NCOR2: variants seen among roughly 807,000 people sequenced by gnomAD.
NCOR2 encodes CTG repeat protein 26.
A neutral mutation model predicts 262.9 loss-of-function variants in NCOR2; 81 were observed. That is an observed-to-expected ratio of 0.31 (90% confidence interval 0.26 to 0.37). The LOEUF (loss-of-function observed/expected upper bound fraction) is 0.37, where lower values mean the gene tolerates loss of function less well. Ranked by LOEUF, NCOR2 falls within the 10% of genes least tolerant of loss-of-function variation. NCOR2 has a pLI of 1.00. For synonymous variants in NCOR2, 1,659 were observed against 1,559.3 expected (o/e 1.06, Z -1.51); for missense variants, 3,385 against 3,621.4 (o/e 0.93, Z 1.68).
At chr12:124,376,672 C>T (rs965868009) in intron 18 of NCOR2, among the ~76,000 whole-genome samples, 2 of 152,162 alleles carry the variant, frequency 1.3e-5, no homozygotes, top group Non-Finnish European at 2.9e-5. Flanking sequence ...CAGCGGGAAG[C>T]GGGGATTCGG....
At chr12:124,351,539 ACCACTG>A (rs750830908) in intron 27 of NCOR2, among the ~76,000 whole-genome samples, 9 of 152,102 alleles carry the variant, frequency 5.9e-5, no homozygotes, top group Non-Finnish European at 1.3e-4. Context: ...CCAATTGAGA[ACCACTG>A]CCATATAGGG....
chr12:124,529,550 C>T (rs973728000), intron 1 of NCOR2, among the ~76,000 whole-genome samples: 3 of 152,214 alleles, frequency 2.0e-5, no homozygotes, highest in Admixed American at 6.5e-5. Flanking sequence ...TGGTGCAATC[C>T]GGCACTGCAC....
At chr12:124,540,100 C>T (rs567091550), upstream of NCOR2, among the ~76,000 whole-genome samples, 1 of 150,894 alleles carries the variant, frequency 6.6e-6, no homozygotes, top group African/African-American at 2.4e-5. Flanking sequence ...GTCTTAGGGG[C>T]CAAGGTCACA....
At chr12:124,325,530 T>C in exon 47 of NCOR2, 1 of 1,347,460 alleles carries the variant, frequency 7.4e-7, no homozygotes, top group Non-Finnish European at 9.6e-7. Context: ...GGGGAAGCCA[T>C]GACACCCGCC....
At chr12:124,478,421 A>G (rs2047223338) in intron 3 of NCOR2, among the ~76,000 whole-genome samples, 1 of 152,218 alleles carries the variant, frequency 6.6e-6, no homozygotes, top group African/African-American at 2.4e-5. Flanking sequence ...GAAGTCTCTG[A>G]TGCCACAAAA....
chr12:124,343,925 G>A (rs2036682859), intron 32 of NCOR2, among the ~76,000 whole-genome samples: 1 of 152,176 alleles, frequency 6.6e-6, no homozygotes, highest in South Asian at 2.1e-4. Flanking sequence ...ACCATGCCTG[G>A]CCGGAAGACA....
chr12:124,403,059 C>T (rs1410423204), intron 13 of NCOR2, among the ~76,000 whole-genome samples: 1 of 152,150 alleles, frequency 6.6e-6, no homozygotes, highest in Non-Finnish European at 1.5e-5. Context: ...TGGTGAGCCT[C>T]GGCAGGGGTG....
intron 13 of NCOR2, among the ~76,000 whole-genome samples, chr12:124,405,092 C>G (rs1450944147): frequency 6.6e-6 from 1 of 152,154 alleles, no homozygotes; most frequent in Non-Finnish European, 1.5e-5. Context: ...CCAGCACGCC[C>G]CATCTACCTA....
intron 28 of NCOR2, 191 bp from the exon 31 acceptor site, chr12:124,348,505 C>A (rs1593158902): frequency 1.4e-6 from 1 of 701,640 alleles, no homozygotes; most frequent in African/African-American, 1.8e-5. Context: ...CCAGCAGGAC[C>A]CAGGAGCTTT....
At chr12:124,502,098 G>T (rs1357455473) in intron 1 of NCOR2, among the ~76,000 whole-genome samples, 1 of 152,230 alleles carries the variant, frequency 6.6e-6, no homozygotes, top group Admixed American at 6.5e-5. Context: ...TCCTGGCGCA[G>T]AACGGATGCT....
chr12:124,335,279 G>A, exon 40 of NCOR2: 1 of 1,595,776 alleles, frequency 6.3e-7, no homozygotes, highest in African/African-American at 1.3e-5. Context: ...GCTTCACGGG[G>A]CCTGCAGGCA....
intron 31 of NCOR2, among the ~76,000 whole-genome samples, chr12:124,346,356 T>A (rs1232686074): frequency 6.6e-6 from 1 of 151,746 alleles, no homozygotes; most frequent in Non-Finnish European, 1.5e-5. Context: ...ACAATGTGAG[T>A]TCAGTAGAAT....
chr12:124,477,420 C>A (rs1461893118), intron 3 of NCOR2, among the ~76,000 whole-genome samples: 1 of 152,180 alleles, frequency 6.6e-6, no homozygotes, highest in Admixed American at 6.5e-5. Flanking sequence ...AAACCTTTTT[C>A]TATTATAAAT....
intron 16 of NCOR2, among the ~76,000 whole-genome samples, chr12:124,395,259 CG>C (rs895337119): frequency 2.6e-5 from 4 of 152,236 alleles, no homozygotes; most frequent in East Asian, 1.9e-4. Context: ...GGCTCCAGAA[CG>C]TTCCTAGCTT....
At chr12:124,422,688 G>A in intron 11 of NCOR2, 133 bp from the exon 14 acceptor site, 1 of 913,694 alleles carries the variant, frequency 1.1e-6, no homozygotes, top group Non-Finnish European at 1.7e-6. Flanking sequence ...GAGCAATTAA[G>A]CCCAGGGGGG....
At chr12:124,500,415 G>A (rs1332805832) in intron 1 of NCOR2, among the ~76,000 whole-genome samples, 2 of 152,204 alleles carry the variant, frequency 1.3e-5, no homozygotes, top group South Asian at 2.1e-4. Flanking sequence ...AAGCCAAGTG[G>A]GCCACATTCC....
chr12:124,566,203 C>T lies in NCOR2; in HGVS notation c.-165+1105G>A, dbSNP rs1212275777. Among the ~76,000 whole-genome samples the T allele has an allele frequency of 6.6e-6, 1 of 152,134 alleles. No individual in the cohort carries two copies. The highest frequency in any genetic ancestry group is 6.5e-5 in the Admixed American group (1 of 15,278). On this transcript the variant is annotated intron_variant, in intron 1 of 32. Coordinates refer to the NCOR2 transcript ENST00000458234. The surrounding 1 kb of genome is among the most constrained non-coding windows in gnomAD (Gnocchi z 4.3). ...AATAATAATCACAATAAAACCAGTT[C>T]TCACCAACGGGGGAGAGGAGGAGGG...
chr12:124,416,895 G>A (rs1420297022), intron 13 of NCOR2, among the ~76,000 whole-genome samples: 3 of 152,162 alleles, frequency 2.0e-5, no homozygotes, highest in South Asian at 2.1e-4. Flanking sequence ...GGAGACCCGC[G>A]GCACTGTCTT....
intron 16 of NCOR2, among the ~76,000 whole-genome samples, chr12:124,391,505 G>C (rs904234817): frequency 7.1e-5 from 10 of 141,546 alleles, no homozygotes; most frequent in Non-Finnish European, 1.1e-4. Flanking sequence ...GCCCTGGCGG[G>C]GGGGGGGTTC....
Sources: allele counts gnomAD v4.1 joint callset (sites outside exome capture counted in the v4.1 genomes callset), GRCh38; gene constraint gnomAD v4.1.1; non-coding constraint Gnocchi (gnomAD v3.1); transcripts MANE v1.5; gene names NCBI Gene and HGNC (gene_info 2026-07-23, HGNC 2026-07-21).